PCDH15: variants seen among roughly 807,000 people sequenced by gnomAD.
PCDH15 encodes the protein protocadherin related 15.
A neutral mutation model predicts 178.5 loss-of-function variants in PCDH15; 129 were observed. The ratio of observed to expected loss-of-function variants is 0.72; its 90% CI spans 0.63 to 0.84. The LOEUF is 0.84. Ranked by LOEUF, PCDH15 falls within the 40% of genes least tolerant of loss-of-function variation. The pLI is 0.00. For synonymous variants in PCDH15, 800 were observed against 732.0 expected (o/e 1.09, Z -1.50); for missense variants, 2,230 against 2,099.9 (o/e 1.06, Z -1.21).
At chr10:55,089,915 C>T (rs916531004) in intron 2 of PCDH15, among the ~76,000 whole-genome samples, 4 of 151,956 alleles carry the variant, frequency 2.6e-5, no homozygotes, top group Admixed American at 2.6e-4. Flanking sequence ...TCACAATACA[C>T]CCCTTACAAA....
chr10:54,105,494 T>C (rs1359654793), intron 15 of PCDH15, among the ~76,000 whole-genome samples: 1 of 151,404 alleles, frequency 6.6e-6, no homozygotes, highest in East Asian at 1.9e-4. Context: ...GAACTTAGAG[T>C]CCAATGTTCA....
intron 18 of PCDH15, among the ~76,000 whole-genome samples, chr10:54,055,723 T>C (rs753035848): frequency 4.6e-5 from 7 of 152,130 alleles, no homozygotes; most frequent in Non-Finnish European, 7.4e-5. Context: ...CTAAAGCATA[T>C]AGTGTGATAA....
chr10:54,531,055 G>A (rs1467618934), intron 2 of PCDH15, among the ~76,000 whole-genome samples: 1 of 152,080 alleles, frequency 6.6e-6, no homozygotes, highest in African/African-American at 2.4e-5. Flanking sequence ...GTAAATCAAA[G>A]GGAAGACTAG....
chr10:55,157,901 A>T (rs1304163071), intron 2 of PCDH15, among the ~76,000 whole-genome samples: 3 of 152,118 alleles, frequency 2.0e-5, no homozygotes, highest in South Asian at 4.1e-4. Context: ...ACATGTATAC[A>T]TATGTAACAA....
intron 18 of PCDH15, among the ~76,000 whole-genome samples, chr10:54,044,095 A>C (rs982497615): frequency 6.6e-6 from 1 of 152,062 alleles, no homozygotes; most frequent in African/African-American, 2.4e-5. Context: ...CACCAGGAGG[A>C]CATGACTGAG....
chr10:53,837,259 T>C (rs957812394), intron 29 of PCDH15, among the ~76,000 whole-genome samples: 1 of 151,278 alleles, frequency 6.6e-6, no homozygotes, highest in Non-Finnish European at 1.5e-5. Flanking sequence ...AAACTCAAAA[T>C]CAAACTCACA....
chr10:54,724,806 G>C (rs866484782), intron 1 of PCDH15, among the ~76,000 whole-genome samples: 3 of 150,898 alleles, frequency 2.0e-5, no homozygotes, highest in African/African-American at 7.3e-5. Flanking sequence ...TATAATTTTA[G>C]ATTCAGGTGG....
chr10:55,478,617 C>T (rs1307560503), intron 2 of PCDH15, among the ~76,000 whole-genome samples: 1 of 149,240 alleles, frequency 6.7e-6, no homozygotes, highest in East Asian at 2.0e-4. Flanking sequence ...AAACCAAACA[C>T]AAAATTAGGA....
Position 55,059,367 on chromosome 10 carries a change from CTGCCACTACATTAATTCTA to C in PCDH15, c.-80+107190_-80+107208del, listed in dbSNP as rs199896778. On this transcript the variant is annotated intron_variant, in intron 2 of 5. Transcript: ENST00000458638. ...GACAATCCATATTTCACTTTTCTATCTGCCACTACATTAATTCTATGGAGAGAATATAATAAATGCCAAG... is the reference window on the plus strand; with the variant it reads ...GACAATCCATATTTCACTTTTCTATCTGGAGAGAATATAATAAATGCCAAG... 8.6e-3 allele frequency among the ~76,000 whole-genome samples: 1,313 copies of C among 152,244 alleles called. 17 individuals carry two copies. Among genetic ancestry groups the C allele is most frequent in the African/African-American group, 0.03 (1,246 of 41,546 alleles).
chr10:54,248,597 G>A (rs1164043891), intron 8 of PCDH15, among the ~76,000 whole-genome samples: 1 of 151,972 alleles, frequency 6.6e-6, no homozygotes, highest in African/African-American at 2.4e-5. Flanking sequence ...ACAAATTCTG[G>A]AGATATGAAA....
intron 25 of PCDH15, among the ~76,000 whole-genome samples, chr10:53,919,287 G>A (rs2083795165): frequency 6.6e-6 from 1 of 152,152 alleles, no homozygotes. Flanking sequence ...TCTTTTCAAT[G>A]TAAAATTCGA....
intron 23 of PCDH15, 47 bp downstream of exon 23, chr10:53,959,685 A>C: frequency 1.4e-6 from 2 of 1,430,074 alleles, no homozygotes; most frequent in Non-Finnish European, 2.0e-6. Flanking sequence ...CCTTTCAAAA[A>C]TGCCCTAAAC....
At chr10:55,295,625 A>G (rs528255582) in intron 1 of PCDH15, among the ~76,000 whole-genome samples, 6 of 152,306 alleles carry the variant, frequency 3.9e-5, no homozygotes, top group African/African-American at 1.4e-4. Flanking sequence ...TTGTGGGACT[A>G]GCAGTAAGAT....
chr10:54,294,692 C>A (rs1387232708), intron 8 of PCDH15, among the ~76,000 whole-genome samples: 1 of 144,066 alleles, frequency 6.9e-6, no homozygotes, highest in Non-Finnish European at 1.5e-5. Context: ...CACAGACACA[C>A]ACATGAGTCA....
chr10:54,501,954 C>T (rs931263102), intron 3 of PCDH15, among the ~76,000 whole-genome samples: 3 of 152,000 alleles, frequency 2.0e-5, no homozygotes, highest in African/African-American at 7.2e-5. Flanking sequence ...GTAAATAACA[C>T]ATGCTAGATT....
In PCDH15 at chr10:53,930,128, A is replaced by G. The variant is rs150889479; in HGVS notation, c.3373+8687T>C. Among the ~76,000 whole-genome samples the G allele has an allele frequency of 5.7e-3, 874 of 152,254 alleles. 12 individuals carry two copies. The highest frequency in any genetic ancestry group is 0.02 in the African/African-American group (848 of 41,552). ...AGAAAGAGACTATGGATAGGAAGAA[A>G]AGATGACTCATAATTTTGAAATAAT... On this transcript the variant is annotated intron_variant, in intron 25 of 37. Transcript: ENST00000644397.
At chr10:54,485,395 A>G (rs2079033006) in intron 3 of PCDH15, among the ~76,000 whole-genome samples, 1 of 152,002 alleles carries the variant, frequency 6.6e-6, no homozygotes, top group Admixed American at 6.6e-5. Context: ...AGCATATCAA[A>G]GTAAGGCCAA....
intron 2 of PCDH15, among the ~76,000 whole-genome samples, chr10:55,354,032 C>T (rs1168407403): frequency 1.3e-5 from 2 of 152,006 alleles, no homozygotes; most frequent in East Asian, 3.9e-4. Flanking sequence ...ACTCCTGATG[C>T]CTGAGATTCC....
At chr10:54,020,054 G>GA in intron 20 of PCDH15, 138 bp downstream of exon 20, 1 of 712,614 alleles carries the variant, frequency 1.4e-6, no homozygotes, top group South Asian at 1.6e-5. Flanking sequence ...ATTTCCATTG[G>GA]AAAATCTATG....
Sources: allele counts gnomAD v4.1 joint callset (sites outside exome capture counted in the v4.1 genomes callset), GRCh38; gene constraint gnomAD v4.1.1; transcripts MANE v1.5; gene names NCBI Gene and HGNC (gene_info 2026-07-23, HGNC 2026-07-21).